Variants in MSH5 observed in about 807,000 individuals in gnomAD.
MSH5 encodes the protein mutS protein homolog 5.
MSH5 carries 78 observed loss-of-function variants against 107.7 expected under a neutral mutation model. That is an observed-to-expected ratio of 0.72 (90% CI 0.60 to 0.87). The LOEUF is 0.87. Among genes scored for constraint, MSH5 ranks in the 40% least tolerant of loss-of-function variants. The pLI, the probability that MSH5 is intolerant of heterozygous loss-of-function variation, is 0.00. For synonymous variants in MSH5, 326 were observed against 399.5 expected (o/e 0.82, Z 2.19); for missense variants, 889 against 1,046.6 (o/e 0.85, Z 2.08).
intron 3 of MSH5, 55 bp downstream of exon 3, chr6:31,741,341 AC>A: frequency 4.1e-6 from 1 of 245,356 alleles, no homozygotes; most frequent in Non-Finnish European, 5.5e-6. Context: ...TGTGTTACAC[AC>A]ACACACACAC....
At position 31,740,179 on chromosome 6, in the gene MSH5, C is replaced by T. The variant is rs1457373522; in HGVS notation, c.-14+117C>T. On this transcript the variant is annotated intron_variant, in intron 1 of 24. Coordinates refer to ENST00000375750, the MANE Select transcript of MSH5 (RefSeq NM_172166.4). The surrounding 1 kb of genome is among the most constrained non-coding windows in gnomAD (Gnocchi z 4.4). Reference sequence around the variant, plus strand: ...CAGAGGCAGAGACATAAGACGTGCACGACTCGCCCCACAGGGCCCTCAGAC... The same window carrying T: ...CAGAGGCAGAGACATAAGACGTGCATGACTCGCCCCACAGGGCCCTCAGAC... 3 of 350,086 alleles carry T rather than the reference C, an allele frequency of 8.6e-6. No individual in the cohort carries two copies. Among genetic ancestry groups the T allele is most frequent in the African/African-American group, 2.1e-5 (1 of 46,924 alleles). The allele number at this position is 350,086 out of a possible 1,614,324, so 21.7% of individuals were successfully genotyped here.
chr6:31,753,814 C>T (rs537553377), intron 12 of MSH5, 185 bp downstream of exon 12: 5 of 574,472 alleles, frequency 8.7e-6, no homozygotes, highest in East Asian at 2.9e-5. Context: ...CTGCAACCTC[C>T]GCCTCCTGGG....
At chr6:31,741,089 A>T (rs552300059) in intron 2 of MSH5, 74 bp from the exon 3 acceptor site, 1 of 1,538,718 alleles carries the variant, frequency 6.5e-7, no homozygotes, top group East Asian at 2.3e-5. Flanking sequence ...AAATGATTAA[A>T]TTATATAAGA....
chr6:31,760,313 T>TTTTCTGAA lies in MSH5; in HGVS notation c.1812+104_1812+105insATTTCTGA. 6.9e-7 allele frequency: 1 copy of TTTTCTGAA among 1,459,734 alleles called. No homozygotes were observed. Among genetic ancestry groups the TTTTCTGAA allele is most frequent in the Non-Finnish European group, 9.2e-7 (1 of 1,092,312 alleles). 90.4% of individuals were successfully genotyped at this position (1,459,734 alleles called of 1,614,324 possible). A position where few individuals can be genotyped will look rare whatever the true frequency, so the allele number is the denominator to read the frequency against. On this transcript the variant is annotated intron_variant, in intron 19 of 24. Transcript: ENST00000375750. This position sits in a 1 kb window ranked among gnomAD's most constrained non-coding sequence, Gnocchi z 5.6. ...TCAGGCTCCTGCAGCTCTTCTCCCA[T>TTTTCTGAA]TTTCTGACCCCGCTCTTCATGAAAG...
chr6:31,758,555 T>C lies in MSH5; in HGVS notation c.1151T>C (p.Phe384Ser). ...IASLIGKVVD[F>S]EGSLAENRFT... ...CAGTACTTATCTCCTCAGGTGGACT[T>C]TGAGGGCAGCCTTGCTGAAAATCGC... The change falls in exon 14 of 25, where the codon TTT (phenylalanine) becomes TCT (serine). Residue 384 changes from phenylalanine (F) to serine (S), a missense_variant. Coordinates refer to ENST00000375750, the MANE Select transcript of MSH5 (RefSeq NM_172166.4). This position sits in a 1 kb window ranked among gnomAD's most constrained non-coding sequence, Gnocchi z 5.1. The C allele has an allele frequency of 6.2e-7, 1 of 1,613,374 alleles. No individual in the cohort carries two copies. Among genetic ancestry groups the C allele is most frequent in the Non-Finnish European group, 8.5e-7 (1 of 1,179,992 alleles).
rs1808849292 is a variant in MSH5 at position 31,741,253 on chromosome 6, C to G, written c.238C>G (p.Pro80Ala). 1 of 1,612,528 alleles carries G rather than the reference C, an allele frequency of 6.2e-7. No homozygotes were observed. Among genetic ancestry groups the G allele is most frequent in the East Asian group, 2.2e-5 (1 of 44,864 alleles). ...CACTATCCACTTCATGCCAGATGCC[C>G]CAGACCACGAGAGCCTCAAGCTTCT... ...DSTIHFMPDA[P>A]DHESLKLLQR... The change falls in exon 3 of 25, where the codon CCA becomes GCA. Residue 80 changes from proline (P) to alanine (A), a missense_variant. By Grantham distance (27) the Pro-to-Ala change is conservative (BLOSUM62 -1). Transcript: ENST00000375750.
intron 3 of MSH5, 113 bp downstream of exon 3, chr6:31,741,399 G>C (rs568658529): frequency 7.2e-7 from 1 of 1,391,592 alleles, no homozygotes; most frequent in South Asian, 1.3e-5. Context: ...TTTTTTTCTA[G>C]ACAGAGTCTT....
rs1044350774 is a variant in MSH5 at position 31,740,109 on chromosome 6, G to A, written c.-14+47G>A. 8.2e-5 allele frequency: 17 copies of A among 206,364 alleles called. No homozygotes were observed. The highest frequency in any genetic ancestry group is 8.7e-5 in the Non-Finnish European group (9 of 103,906). The allele number at this position is 206,364 out of a possible 1,614,324, so 12.8% of individuals were successfully genotyped here. A position where few individuals can be genotyped will look rare whatever the true frequency, so the allele number is the denominator to read the frequency against. ...CGCTGCGATGGCGGCAGCTGGGGGA[G>A]GAGGAAGATAAGCGCGTGAGGCTGG... On this transcript the variant is annotated intron_variant, in intron 1 of 24. Coordinates refer to ENST00000375750, the MANE Select transcript of MSH5 (RefSeq NM_172166.4). This position sits in a 1 kb window ranked among gnomAD's most constrained non-coding sequence, Gnocchi z 4.4.
Position 31,761,421 on chromosome 6 carries a change from G to A in MSH5, c.2038-51G>A. 6.2e-7 allele frequency: 1 copy of A among 1,609,750 alleles called. No individual in the cohort carries two copies. The highest frequency in any genetic ancestry group is 1.1e-5 in the South Asian group (1 of 90,754). ...GGGAAAGGCAGTGCAAGTGCAGAGG[G>A]GCATATGGGGTCCCCATGGCTCCGA... On this transcript the variant is annotated intron_variant, in intron 21 of 24. Coordinates refer to ENST00000375750, the MANE Select transcript of MSH5 (RefSeq NM_172166.4). The surrounding 1 kb of genome is among the most constrained non-coding windows in gnomAD (Gnocchi z 5.3).
chr6:31,748,344 CTTT>C (rs36029092), intron 10 of MSH5, among the ~76,000 whole-genome samples: 1 of 126,560 alleles, frequency 7.9e-6, no homozygotes, highest in Non-Finnish European at 1.7e-5. Flanking sequence ...CATGTCACTC[CTTT>C]TTTTTTTTTT....
chr6:31,742,304 T>C (rs1808990114), intron 3 of MSH5, among the ~76,000 whole-genome samples: 1 of 152,232 alleles, frequency 6.6e-6, no homozygotes, highest in African/African-American at 2.4e-5. Context: ...TCACTCAGGC[T>C]GGAAGTGTAG....
rs1460291575 is a variant in MSH5 at position 31,759,077 on chromosome 6, C to T, written c.1327-20C>T. 3.1e-6 allele frequency: 5 copies of T among 1,599,770 alleles called. No individual in the cohort carries two copies. In the African/African-American group the frequency reaches 4.0e-5, roughly 13 times the overall value. The stretch of plus-strand genomic sequence containing the variant: ...GTCTCCAAGCAGGAGAGTAGAGTAT[C>T]TCCTCTTTACTCTCCCCAGATTGGC... On this transcript the variant is annotated intron_variant, in intron 15 of 24. Transcript: ENST00000375750. This position sits in a 1 kb window ranked among gnomAD's most constrained non-coding sequence, Gnocchi z 4.7.
intron 12 of MSH5, chr6:31,753,855 AG>A (rs1810197351): frequency 2.1e-6 from 1 of 486,552 alleles, no homozygotes; most frequent in African/African-American, 1.9e-5. Flanking sequence ...CCTCCCGAGA[AG>A]TTGGGATTAC....
At chr6:31,745,466 ACC>A in intron 9 of MSH5, 147 bp downstream of exon 9, 1 of 625,178 alleles carries the variant, frequency 1.6e-6, no homozygotes, top group Non-Finnish European at 2.8e-6. Flanking sequence ...ACCTATTTGT[ACC>A]CCCCGCCCCC....
Position 31,759,093 on chromosome 6 carries a change from C to T in MSH5, c.1327-4C>T. 3 of 1,612,434 alleles carry T rather than the reference C, an allele frequency of 1.9e-6. No individual in the cohort carries two copies. The highest frequency in any genetic ancestry group is 1.1e-5 in the South Asian group (1 of 91,070). On this transcript the variant is annotated splice_region_variant and splice_polypyrimidine_tract_variant and intron_variant, in intron 15 of 24. Transcript: ENST00000375750. The surrounding 1 kb of genome is among the most constrained non-coding windows in gnomAD (Gnocchi z 4.7). ...GTAGAGTATCTCCTCTTTACTCTCCCCAGATTGGCTTCCTTCTTTCTATTC... is the reference window on the plus strand; with the variant it reads ...GTAGAGTATCTCCTCTTTACTCTCCTCAGATTGGCTTCCTTCTTTCTATTC...
intron 3 of MSH5, among the ~76,000 whole-genome samples, chr6:31,742,050 C>G (rs1011025786): frequency 1.3e-5 from 2 of 152,172 alleles, no homozygotes; most frequent in African/African-American, 4.8e-5. Flanking sequence ...CCACTCCCAT[C>G]ACCCACACAC....
intron 10 of MSH5, among the ~76,000 whole-genome samples, chr6:31,748,914 GTCT>G (rs1264748378): frequency 9.1e-6 from 1 of 110,470 alleles, no homozygotes; most frequent in African/African-American, 3.7e-5. Context: ...CTTCTGGAAA[GTCT>G]TTTTTTTTTT....
rs377188062 is a variant in MSH5 at position 31,747,443 on chromosome 6, C to A, written c.812+11C>A. The A allele has an allele frequency of 6.2e-7, 1 of 1,612,322 alleles. No homozygotes were observed. The highest frequency in any genetic ancestry group is 8.5e-7 in the Non-Finnish European group (1 of 1,179,548). ...AGAGAAGCTGCTCAGGTGAGTGGGT[C>A]CCACACATACTACACACTAATGCAT... On this transcript the variant is annotated intron_variant, in intron 10 of 24. Coordinates refer to ENST00000375750, the MANE Select transcript of MSH5 (RefSeq NM_172166.4).
At chr6:31,747,720 G>T (rs1001644972) in intron 10 of MSH5, among the ~76,000 whole-genome samples, 1 of 152,026 alleles carries the variant, frequency 6.6e-6, no homozygotes, top group Non-Finnish European at 1.5e-5. Context: ...AACACAAAAT[G>T]TAAGGCCGGG....
Sources: gnomAD v4.1 joint callset for allele counts (sites outside exome capture counted in the v4.1 genomes callset) on GRCh38, gnomAD v4.1.1 for gene constraint, Gnocchi (gnomAD v3.1) non-coding constraint, MANE v1.5 for transcripts, NCBI Gene and HGNC (gene_info 2026-07-23, HGNC 2026-07-21) for gene names.